ALDH9A1: variants seen among roughly 807,000 people sequenced by gnomAD.
The protein encoded by ALDH9A1 is 4-trimethylaminobutyraldehyde dehydrogenase.
ALDH9A1 carries 42 observed loss-of-function variants against 56.6 expected under a neutral mutation model. The ratio of observed to expected loss-of-function variants is 0.74; its 90% CI spans 0.58 to 0.96. ALDH9A1 has a LOEUF of 0.96. Among genes scored for constraint, ALDH9A1 ranks in the 40% least tolerant of loss-of-function variants. ALDH9A1 has a pLI of 0.00. For missense variants in ALDH9A1, 661 were observed against 651.5 expected, an observed-to-expected ratio of 1.01 and a Z score of -0.16; for synonymous variants, 242 against 236.0, an observed-to-expected ratio of 1.03 and a Z score of -0.23.
At chr1:165,693,850 T>G (rs1236139893) in intron 2 of ALDH9A1, among the ~76,000 whole-genome samples, 2 of 151,998 alleles carry the variant, frequency 1.3e-5, no homozygotes, top group Non-Finnish European at 2.9e-5. Context: ...ATTAAGAAAA[T>G]GTGGCACATA....
intron 6 of ALDH9A1, chr1:165,671,182 G>A: frequency 5.8e-6 from 1 of 173,226 alleles, no homozygotes; most frequent in Non-Finnish European, 1.2e-5. Context: ...ATGCTGTTAA[G>A]AAAGGCTATG....
chr1:165,672,463 C>T (rs1649208741), intron 6 of ALDH9A1, among the ~76,000 whole-genome samples: 1 of 152,048 alleles, frequency 6.6e-6, no homozygotes, highest in African/African-American at 2.4e-5. Context: ...TAGTCAAATT[C>T]ATAGAGACGG....
intron 6 of ALDH9A1, among the ~76,000 whole-genome samples, chr1:165,677,330 G>C (rs1649395409): frequency 6.6e-6 from 1 of 152,160 alleles, no homozygotes; most frequent in South Asian, 2.1e-4. Flanking sequence ...CTGCACTCCG[G>C]CCTGGGCAAC....
chr1:165,691,361 C>T (rs2101756391), intron 2 of ALDH9A1, among the ~76,000 whole-genome samples: 1 of 152,310 alleles, frequency 6.6e-6, no homozygotes, highest in South Asian at 2.1e-4. Flanking sequence ...AGGACATCCA[C>T]ACCAAAACCC....
At chr1:165,680,734 C>A in intron 4 of ALDH9A1, 51 bp from the exon 5 acceptor site, 2 of 1,504,106 alleles carry the variant, frequency 1.3e-6, no homozygotes, top group South Asian at 1.3e-5. Flanking sequence ...GACCAGTGAT[C>A]CCCTGAAAAC....
chr1:165,682,240 A>G lies in ALDH9A1; in HGVS notation c.459T>C (p.Gly153=). The G allele has an allele frequency of 6.2e-7, 1 of 1,612,996 alleles. No homozygotes were observed. The highest frequency in any genetic ancestry group is 8.5e-7 in the Non-Finnish European group (1 of 1,179,666). Reference sequence around the variant, plus strand: ...ATCCACCTGGGAGCTGGATGTGTTCACCTATGGGGAAAACAGGAGTAAAGG... The same window carrying G: ...ATCCACCTGGGAGCTGGATGTGTTCGCCTATGGGGAAAACAGGAGTAAAGG... ...YYAGLAASMA[G]EHIQLPGGSF... The change falls in exon 4 of 11, where the codon GGT becomes GGC. Residue 153 remains glycine (G), a splice_region_variant and synonymous_variant. Transcript: ENST00000354775.
At position 165,686,518 on chromosome 1, in the gene ALDH9A1, T is replaced by TA. The variant is rs369196873; in HGVS notation, c.328-3409dup. Reference sequence around the variant, plus strand: ...CCCAAGAAGAAAATGTTTTTTTTTTTAAAAAAAAAAGCCCCAGAACTCACA... The same window carrying TA: ...CCCAAGAAGAAAATGTTTTTTTTTTTAAAAAAAAAAAGCCCCAGAACTCACA... On this transcript the variant is annotated intron_variant, in intron 2 of 10. Transcript: ENST00000354775. 5.7e-3 allele frequency among the ~76,000 whole-genome samples: 847 copies of TA among 147,676 alleles called. 11 individuals carry two copies. Among genetic ancestry groups the TA allele is most frequent in the African/African-American group, 0.018 (726 of 40,124 alleles).
intron 6 of ALDH9A1, among the ~76,000 whole-genome samples, chr1:165,675,062 G>T (rs1000264215): frequency 2.6e-5 from 4 of 152,090 alleles, no homozygotes; most frequent in African/African-American, 4.8e-5. Context: ...GGGTGTGGTA[G>T]CGCATGCCTC....
At chr1:165,671,035 C>T (rs1331692584) in intron 6 of ALDH9A1, among the ~76,000 whole-genome samples, 3 of 152,262 alleles carry the variant, frequency 2.0e-5, no homozygotes, top group Admixed American at 1.3e-4. Flanking sequence ...CGTCCCATTG[C>T]ACCCCAGCCT....
chr1:165,681,550 C>T (rs3845536), intron 4 of ALDH9A1, among the ~76,000 whole-genome samples: 60,428 of 152,036 alleles, frequency 0.4, 12,427 homozygotes, highest in East Asian at 0.61. Flanking sequence ...GTAATGCTTT[C>T]TAACATTACA....
Position 165,695,408 on chromosome 1 carries a change from C to T in ALDH9A1, c.182-11G>A, listed in dbSNP as rs746036915. ...TAGCTATCACTCGGCCTATAAAGAG[C>T]GGAAACATCAGTTTTAACTCAAATT... On this transcript the variant is annotated splice_polypyrimidine_tract_variant and intron_variant, in intron 1 of 10. Coordinates refer to ENST00000354775, the MANE Select transcript of ALDH9A1 (RefSeq NM_000696.4). 8.2e-6 allele frequency: 13 copies of T among 1,579,450 alleles called. No individual in the cohort carries two copies. The African/African-American group carries it at 1.1e-4, about 13-fold the overall frequency.
At chr1:165,679,361 T>G (rs1649468835) in intron 6 of ALDH9A1, 81 bp downstream of exon 6, 2 of 1,509,678 alleles carry the variant, frequency 1.3e-6, no homozygotes, top group Non-Finnish European at 1.8e-6. Context: ...GAAAGTATTG[T>G]AAAACAAAAA....
chr1:165,667,513 G>C, intron 8 of ALDH9A1, 63 bp from the exon 9 acceptor site: 1 of 1,564,798 alleles, frequency 6.4e-7, no homozygotes, highest in Non-Finnish European at 8.7e-7. Context: ...ACCACCCCCA[G>C]CTAATTTTTT....
intron 6 of ALDH9A1, among the ~76,000 whole-genome samples, chr1:165,678,328 C>T (rs907729934): frequency 7.2e-5 from 11 of 151,792 alleles, no homozygotes; most frequent in African/African-American, 2.7e-4. Context: ...AGCTAGACTC[C>T]GTCTCAAAAA....
chr1:165,668,967 G>A lies in ALDH9A1; in HGVS notation c.1166C>T (p.Pro389Leu). Residue 389 changes from proline (P) to leucine (L), a missense_variant, in exon 8 of 11, where the codon CCC becomes CTC. Coordinates refer to ENST00000354775, the MANE Select transcript of ALDH9A1 (RefSeq NM_000696.4). Reference protein sequence around the residue: ...CGGDIYVPEDPKLKDGYYMRP... With the variant: ...CGGDIYVPEDLKLKDGYYMRP... ...CATGTAATATCCATCCTTTAATTTG[G>A]GATCTTCAGGTACATATATATCTCC... 1.2e-6 allele frequency: 2 copies of A among 1,611,396 alleles called. No homozygotes were observed. The highest frequency in any genetic ancestry group is 1.7e-6 in the Non-Finnish European group (2 of 1,178,032).
intron 2 of ALDH9A1, among the ~76,000 whole-genome samples, chr1:165,691,023 C>G (rs1021624974): frequency 6.6e-6 from 1 of 152,194 alleles, no homozygotes; most frequent in Non-Finnish European, 1.5e-5. Context: ...GTTCTTCCAG[C>G]ATGGAGTTTG....
intron 2 of ALDH9A1, among the ~76,000 whole-genome samples, chr1:165,689,102 G>GA (rs999258016): frequency 5.3e-5 from 8 of 151,748 alleles, no homozygotes; most frequent in African/African-American, 9.7e-5. Flanking sequence ...TCATTCACAG[G>GA]AAAAAAAATG....
At chr1:165,677,866 A>G (rs1380097932) in intron 6 of ALDH9A1, among the ~76,000 whole-genome samples, 1 of 151,546 alleles carries the variant, frequency 6.6e-6, no homozygotes, top group Admixed American at 6.6e-5. Context: ...TCAAAAAAAA[A>G]AAAAAAAAAA....
chr1:165,672,558 T>C (rs911364054), intron 6 of ALDH9A1, among the ~76,000 whole-genome samples: 1 of 151,760 alleles, frequency 6.6e-6, no homozygotes, highest in Non-Finnish European at 1.5e-5. Context: ...CAATGTGGGG[T>C]GATGAAAAAG....
Sources: gnomAD v4.1 joint callset for allele counts (sites outside exome capture counted in the v4.1 genomes callset) on GRCh38, gnomAD v4.1.1 for gene constraint, MANE v1.5 for transcripts, NCBI Gene and HGNC (gene_info 2026-07-23, HGNC 2026-07-21) for gene names.